Variants in PTPRK observed in about 807,000 individuals in gnomAD.
The protein encoded by PTPRK is receptor-type tyrosine-protein phosphatase kappa.
In PTPRK, 75 loss-of-function variants were observed where a neutral mutation model predicts 178.0. The observed-to-expected ratio is 0.42, with a 90% CI of 0.35 to 0.51. PTPRK has a LOEUF of 0.51. Ranked by LOEUF, PTPRK falls within the 20% of genes least tolerant of loss-of-function variation. The pLI, the probability that PTPRK is intolerant of heterozygous loss-of-function variation, is 0.02. For missense variants in PTPRK, 1,441 were observed against 1,797.8 expected (o/e 0.80, Z 3.59); for synonymous variants, 637 against 620.6 (o/e 1.03, Z -0.39).
At chr6:128,169,972 C>T (rs1012744368) in intron 7 of PTPRK, among the ~76,000 whole-genome samples, 6 of 151,760 alleles carry the variant, frequency 4.0e-5, no homozygotes, top group Admixed American at 2.6e-4. Context: ...AATGTTGAAA[C>T]GTTAGTGAAT....
intron 1 of PTPRK, among the ~76,000 whole-genome samples, chr6:128,464,255 T>C (rs188203555): frequency 6.6e-5 from 10 of 152,066 alleles, no homozygotes; most frequent in Admixed American, 5.9e-4. Context: ...TAAAAAGTCA[T>C]AAATTCAACT....
rs577139338 is a variant in PTPRK, at chr6:128,044,288, T to C, written c.2194+20470A>G. Among the ~76,000 whole-genome samples the C allele has an allele frequency of 3.3e-5, 5 of 152,172 alleles. No homozygotes were observed. The East Asian group carries it at 5.8e-4, about 18-fold the overall frequency. Reference sequence around the variant, plus strand: ...ACATTTAATCTATCAACAAGTACTATATATCTGTATCTAAAAGTATTAAAT... The same window carrying C: ...ACATTTAATCTATCAACAAGTACTACATATCTGTATCTAAAAGTATTAAAT... On this transcript the variant is annotated intron_variant, in intron 13 of 29. Transcript: ENST00000368226.
At chr6:127,983,132 A>G in intron 23 of PTPRK, 110 bp downstream of exon 23, 1 of 1,297,136 alleles carries the variant, frequency 7.7e-7, no homozygotes, top group Non-Finnish European at 1.0e-6. Flanking sequence ...TTGATTACAC[A>G]TGAAAAACAT....
At chr6:128,032,023 C>A (rs1269013292) in intron 13 of PTPRK, among the ~76,000 whole-genome samples, 1 of 152,172 alleles carries the variant, frequency 6.6e-6, no homozygotes, top group Non-Finnish European at 1.5e-5. Context: ...ACAGCAAGGA[C>A]TTGCTGTGGA....
intron 3 of PTPRK, among the ~76,000 whole-genome samples, chr6:128,301,602 T>C (rs1364812950): frequency 1.3e-5 from 2 of 152,164 alleles, no homozygotes; most frequent in African/African-American, 4.8e-5. Context: ...ATATAGTATC[T>C]TCATTTTTAA....
intron 2 of PTPRK, among the ~76,000 whole-genome samples, chr6:128,346,575 A>G (rs192409326): frequency 1.3e-5 from 2 of 152,262 alleles, no homozygotes; most frequent in Admixed American, 1.3e-4. Flanking sequence ...TGAAAATTCT[A>G]TTTCTCTCAG....
intron 1 of PTPRK, among the ~76,000 whole-genome samples, chr6:128,466,566 T>C (rs966631027): frequency 6.6e-6 from 1 of 152,302 alleles, no homozygotes; most frequent in African/African-American, 2.4e-5. Context: ...GACAATTAGG[T>C]TCCTAATAAC....
intron 2 of PTPRK, among the ~76,000 whole-genome samples, chr6:128,371,491 C>G (rs563383080): frequency 3.5e-4 from 54 of 152,234 alleles, no homozygotes; most frequent in Non-Finnish European, 6.6e-4. Flanking sequence ...ACTATTAAAA[C>G]CTGGAACACT....
intron 1 of PTPRK, among the ~76,000 whole-genome samples, chr6:128,511,396 G>A (rs1258601930): frequency 6.6e-6 from 1 of 152,194 alleles, no homozygotes; most frequent in Admixed American, 6.5e-5. Flanking sequence ...TAGATTCAAT[G>A]GTTGGAAACA....
chr6:128,327,833 A>G (rs545402649), intron 2 of PTPRK, among the ~76,000 whole-genome samples: 65 of 152,300 alleles, frequency 4.3e-4, no homozygotes, highest in African/African-American at 1.5e-3. Flanking sequence ...AAAGAAACCA[A>G]TATAGACAGG....
intron 1 of PTPRK, among the ~76,000 whole-genome samples, chr6:128,423,139 T>C (rs796870994): frequency 1.6e-4 from 24 of 152,330 alleles, no homozygotes; most frequent in African/African-American, 5.5e-4. Flanking sequence ...CTAGCCACAT[T>C]AGCAATCTAA....
At chr6:128,193,279 T>TG (rs201298678) in intron 6 of PTPRK, among the ~76,000 whole-genome samples, 2,074 of 19,374 alleles carry the variant, frequency 0.11, 34 homozygotes, top group Middle Eastern at 0.34. Context: ...ATCCAGCTTG[T>TG]GAAAAAAAAA....
intron 7 of PTPRK, among the ~76,000 whole-genome samples, chr6:128,159,549 G>A (rs1360449765): frequency 2.0e-5 from 3 of 151,728 alleles, no homozygotes; most frequent in African/African-American, 7.2e-5. Flanking sequence ...TATGAAAGTT[G>A]TGGAAAACCC....
intron 2 of PTPRK, among the ~76,000 whole-genome samples, chr6:128,347,844 T>C (rs948601802): frequency 5.3e-5 from 8 of 152,102 alleles, no homozygotes; most frequent in South Asian, 2.1e-4. Context: ...GATCTCTACG[T>C]TGTAATTAAA....
intron 6 of PTPRK, among the ~76,000 whole-genome samples, chr6:128,218,073 A>G (rs1361801089): frequency 6.6e-6 from 1 of 152,152 alleles, no homozygotes; most frequent in Non-Finnish European, 1.5e-5. Flanking sequence ...GACTGGTTCC[A>G]GAACACCTTA....
At position 128,089,843 on chromosome 6, in the gene PTPRK, T is replaced by C; in HGVS notation, c.1312A>G (p.Ser438Gly). 1 of 1,614,160 alleles carries C rather than the reference T, an allele frequency of 6.2e-7. No homozygotes were observed. The highest frequency in any genetic ancestry group is 1.1e-5 in the South Asian group (1 of 91,084). The change falls in exon 8 of 30, where the codon AGC (serine) becomes GGC (glycine). Residue 438 changes from serine to glycine, a missense_variant. Around this residue, in one of 4 missense-constraint regions of PTPRK, gnomAD observed 945 missense variants for 1,080.6 expected, o/e 0.87. Transcript: ENST00000368226. ...TCCATGTCCAAACAGTCTGCCTTGC[T>C]CTCGTTGTGACCACGGAAGTAATGG... The part of the protein sequence containing the change: ...CYHYFRGHNE[S>G]KADCLDMDPK...
intron 1 of PTPRK, among the ~76,000 whole-genome samples, chr6:128,429,696 G>A (rs1749560083): frequency 6.6e-6 from 1 of 152,110 alleles, no homozygotes; most frequent in African/African-American, 2.4e-5. Flanking sequence ...TTTTAAAGGG[G>A]CATTTCTGTT....
At chr6:128,187,978 T>C (rs1803063681) in intron 6 of PTPRK, among the ~76,000 whole-genome samples, 1 of 152,202 alleles carries the variant, frequency 6.6e-6, no homozygotes, top group Non-Finnish European at 1.5e-5. Context: ...CAATAAATTA[T>C]GCATGAATTT....
At chr6:128,055,935 C>T (rs556946523) in intron 13 of PTPRK, among the ~76,000 whole-genome samples, 1 of 151,580 alleles carries the variant, frequency 6.6e-6, no homozygotes, top group African/African-American at 2.4e-5. Flanking sequence ...TTCTGGCTCC[C>T]TTACCAGAAG....
Sources: allele counts gnomAD v4.1 joint callset (sites outside exome capture counted in the v4.1 genomes callset), GRCh38; gene constraint gnomAD v4.1.1; regional missense constraint gnomAD v4.1.1; transcripts MANE v1.5; gene names NCBI Gene and HGNC (gene_info 2026-07-23, HGNC 2026-07-21).